Variants in PACRG observed in about 807,000 individuals in gnomAD.
PACRG encodes the protein parkin coregulated gene protein.
PACRG carries 29 observed loss-of-function variants against 29.7 expected under a neutral mutation model. The ratio of observed to expected loss-of-function variants is 0.98; its 90% CI spans 0.73 to 1.33. The LOEUF (loss-of-function observed/expected upper bound fraction) is 1.33. Ranked by LOEUF, PACRG falls within the 40% of genes most tolerant of loss-of-function variation. The pLI, the probability that PACRG is intolerant of heterozygous loss-of-function variation, is 0.00. For missense variants in PACRG, 279 were observed against 316.2 expected, an observed-to-expected ratio of 0.88 and a Z score of 0.89; for synonymous variants, 116 against 118.7, an observed-to-expected ratio of 0.98 and a Z score of 0.15.
intron 2 of PACRG, among the ~76,000 whole-genome samples, chr6:162,929,080 CAA>C (rs1451148021): frequency 6.6e-6 from 1 of 151,826 alleles, no homozygotes; most frequent in African/African-American, 2.4e-5. Context: ...ATAAACATGA[CAA>C]TACAGATATC....
chr6:162,793,628 A>G (rs748826625), intron 1 of PACRG, among the ~76,000 whole-genome samples: 1 of 152,246 alleles, frequency 6.6e-6, no homozygotes, highest in Non-Finnish European at 1.5e-5. Flanking sequence ...CATCATTAGT[A>G]TAAAGCTGTT....
intron 4 of PACRG, chr6:163,312,786 C>CTTTTTATTTTGTTTGTTTG: frequency 2.3e-6 from 1 of 440,500 alleles, no homozygotes; most frequent in African/African-American, 2.0e-5. Flanking sequence ...CAGGGTCTTA[C>CTTTTTATTTTGTTTGTTTG]TCTTTGCCCA....
At chr6:162,972,646 C>T (rs1165989908) in intron 2 of PACRG, among the ~76,000 whole-genome samples, 1 of 152,172 alleles carries the variant, frequency 6.6e-6, no homozygotes, top group Non-Finnish European at 1.5e-5. Context: ...GCACAGCACT[C>T]ATTGAAGTGA....
chr6:162,922,744 A>G (rs1051499399), intron 2 of PACRG, among the ~76,000 whole-genome samples: 1 of 151,996 alleles, frequency 6.6e-6, no homozygotes, highest in African/African-American at 2.4e-5. Context: ...GAATAATAGG[A>G]TTTTATTCTT....
chr6:162,821,995 A>G (rs1415452645), intron 2 of PACRG, among the ~76,000 whole-genome samples: 3 of 152,172 alleles, frequency 2.0e-5, no homozygotes, highest in Non-Finnish European at 4.4e-5. Context: ...CTTTTAGTCT[A>G]TTGAAGTTTT....
chr6:163,187,495 C>A (rs2128358530), intron 4 of PACRG, among the ~76,000 whole-genome samples: 1 of 152,314 alleles, frequency 6.6e-6, no homozygotes, highest in Admixed American at 6.5e-5. Flanking sequence ...CTGCTTTCCA[C>A]CCCAGACTTC....
chr6:162,833,811 A>G (rs555411500), intron 2 of PACRG, among the ~76,000 whole-genome samples: 13 of 152,112 alleles, frequency 8.5e-5, no homozygotes, highest in Non-Finnish European at 1.2e-4. Flanking sequence ...TGATATTTTT[A>G]TAAGTATTGA....
At chr6:163,198,099 CTT>C (rs1780551051) in intron 4 of PACRG, among the ~76,000 whole-genome samples, 1 of 152,194 alleles carries the variant, frequency 6.6e-6, no homozygotes. Flanking sequence ...AGAGTAAAAA[CTT>C]TGATTCACTC....
In PACRG at chr6:162,985,680, A is replaced by T. The variant is rs114584527; in HGVS notation, c.292-76470A>T. Among the ~76,000 whole-genome samples the T allele has an allele frequency of 5.0e-3, 768 of 152,226 alleles. 9 individuals are homozygous for T. Among genetic ancestry groups the T allele is most frequent in the African/African-American group, 0.017 (722 of 41,550 alleles). ...ATGTCCACTTTCACCACTGCTATTC[A>T]ACATAGTGCTGGTATTCCTAGCCAG... On this transcript the variant is annotated intron_variant, in intron 2 of 4. Coordinates refer to ENST00000366888, the MANE Select transcript of PACRG (RefSeq NM_001080379.2).
intron 4 of PACRG, among the ~76,000 whole-genome samples, chr6:163,150,400 T>C (rs1386033447): frequency 6.6e-6 from 1 of 152,226 alleles, no homozygotes; most frequent in Non-Finnish European, 1.5e-5. Flanking sequence ...TACAGGCTTC[T>C]GTCCCTCTGG....
rs184831190 is a variant in PACRG, at chr6:163,303,554, A to C, written c.614-11273A>C. Reference sequence around the variant, plus strand: ...TTTATCACTCCTGAGGGCAGCCATCAGTAGTTCTTTTCCAATCAAAATCAT... The same window carrying C: ...TTTATCACTCCTGAGGGCAGCCATCCGTAGTTCTTTTCCAATCAAAATCAT... On this transcript the variant is annotated intron_variant, in intron 4 of 4. Coordinates refer to ENST00000366888, the MANE Select transcript of PACRG (RefSeq NM_001080379.2). Among the ~76,000 whole-genome samples the C allele has an allele frequency of 4.7e-3, 719 of 152,332 alleles. 4 individuals are homozygous for C. The highest frequency in any genetic ancestry group is 0.017 in the African/African-American group (699 of 41,572).
At chr6:162,749,484 A>T (rs975578204) in intron 1 of PACRG, among the ~76,000 whole-genome samples, 1 of 152,172 alleles carries the variant, frequency 6.6e-6, no homozygotes, top group African/African-American at 2.4e-5. Flanking sequence ...TTACATGAAG[A>T]TCATTCTCCT....
intron 4 of PACRG, among the ~76,000 whole-genome samples, chr6:163,279,402 C>G (rs1347073423): frequency 6.6e-6 from 1 of 152,092 alleles, no homozygotes; most frequent in Non-Finnish European, 1.5e-5. Flanking sequence ...TTTTACATTC[C>G]CTATTGCAAT....
Position 162,728,255 on chromosome 6 carries a change from C to T in PACRG, c.20C>T (p.Thr7Ile). 2 of 1,613,890 alleles carry T rather than the reference C, an allele frequency of 1.2e-6. No individual in the cohort carries two copies. Among genetic ancestry groups the T allele is most frequent in the Non-Finnish European group, 1.7e-6 (2 of 1,179,980 alleles). Residue 7 changes from threonine to isoleucine, a missense_variant, in exon 1 of 5, where the codon ACC (threonine) becomes ATC (isoleucine). Transcript: ENST00000366888. ...AGGAAGATGGTGGCAGAAAAAGAGA[C>T]CCTGAGCTTAAACAAATGCCCAGAC... MVAEKE[T>I]LSLNKCPDKM...
At chr6:163,033,227 A>T (rs1490668526) in intron 2 of PACRG, among the ~76,000 whole-genome samples, 2 of 152,190 alleles carry the variant, frequency 1.3e-5, no homozygotes, top group African/African-American at 4.8e-5. Context: ...ACTTTTGATG[A>T]AAAACCTGGT....
intron 1 of PACRG, among the ~76,000 whole-genome samples, chr6:162,786,824 C>T (rs1422424728): frequency 1.3e-5 from 2 of 151,718 alleles, no homozygotes; most frequent in East Asian, 1.9e-4. Context: ...TTCAAGAATC[C>T]AGGATGAATA....
intron 2 of PACRG, among the ~76,000 whole-genome samples, chr6:162,831,380 C>T (rs1788760582): frequency 1.3e-5 from 2 of 152,282 alleles, no homozygotes; most frequent in South Asian, 4.1e-4. Flanking sequence ...GCTGTACATA[C>T]AGCATCTAAA....
At chr6:163,048,746 T>C (rs190160998) in intron 2 of PACRG, among the ~76,000 whole-genome samples, 7 of 152,322 alleles carry the variant, frequency 4.6e-5, no homozygotes, top group Admixed American at 6.5e-5. Context: ...CGCTGGGTGA[T>C]TTTAAAGTGT....
chr6:163,161,425 A>G (rs963045165), intron 4 of PACRG, among the ~76,000 whole-genome samples: 1 of 152,186 alleles, frequency 6.6e-6, no homozygotes, highest in African/African-American at 2.4e-5. Flanking sequence ...ATGCCATATT[A>G]GGGCATTTTG....
Sources: gnomAD v4.1 joint callset for allele counts (sites outside exome capture counted in the v4.1 genomes callset) on GRCh38, gnomAD v4.1.1 for gene constraint, MANE v1.5 for transcripts, NCBI Gene and HGNC (gene_info 2026-07-23, HGNC 2026-07-21) for gene names.